The following PSMA8 variants were observed in gnomAD, a reference collection of about 807,000 sequenced individuals.
The protein encoded by PSMA8 is proteasome 20S subunit alpha 8, also known as proteasome subunit alpha-type 8.
A neutral mutation model predicts 32.4 loss-of-function variants in PSMA8; 18 were observed. The ratio of observed to expected loss-of-function variants is 0.56; its 90% CI spans 0.38 to 0.82. The LOEUF is 0.82. Ranked by LOEUF, PSMA8 falls within the 40% of genes least tolerant of loss-of-function variation. PSMA8 has a pLI of 0.00. For synonymous variants in PSMA8, 104 were observed against 98.1 expected (o/e 1.06, Z -0.36); for missense variants, 298 against 300.7 (o/e 0.99, Z 0.07).
At position 26,134,037 on chromosome 18, in the gene PSMA8, C is replaced by T. The variant is rs1169737907; in HGVS notation, c.72C>T (p.Ala24=). Residue 24 remains alanine, a synonymous_variant, in exon 1 of 7, where the codon GCC becomes GCT. Transcript: ENST00000415576. ...GACACCTTTTTCAAGTTGAATATGC[C>T]CAGGAAGCGGTGAAGAAAGGATCCA... is the stretch of plus-strand genomic sequence containing the variant. ...PDGHLFQVEY[A]QEAVKKGSTA... is the part of the protein sequence containing the mutation. 5.0e-6 allele frequency: 8 copies of T among 1,613,756 alleles called. No homozygotes were observed. Among genetic ancestry groups the T allele is most frequent in the Non-Finnish European group, 6.8e-6 (8 of 1,179,860 alleles).
chr18:26,142,678 C>A (rs1321538020), intron 1 of PSMA8, among the ~76,000 whole-genome samples: 4 of 152,186 alleles, frequency 2.6e-5, no homozygotes, highest in Non-Finnish European at 5.9e-5. Flanking sequence ...ATTCTAAAGA[C>A]TGGGAAATCC....
intron 1 of PSMA8, among the ~76,000 whole-genome samples, chr18:26,140,322 G>A (rs973383440): frequency 6.6e-6 from 1 of 152,206 alleles, no homozygotes; most frequent in African/African-American, 2.4e-5. Flanking sequence ...CAGACCTGGA[G>A]CTTGGATCCA....
chr18:26,161,567 T>C (rs998234015), intron 4 of PSMA8, among the ~76,000 whole-genome samples: 2 of 152,198 alleles, frequency 1.3e-5, no homozygotes, highest in African/African-American at 4.8e-5. Flanking sequence ...TCTAGAATAC[T>C]ATGATGGTGA....
intron 4 of PSMA8, among the ~76,000 whole-genome samples, chr18:26,174,736 C>T (rs2055250958): frequency 6.6e-6 from 1 of 152,142 alleles, no homozygotes; most frequent in Non-Finnish European, 1.5e-5. Flanking sequence ...TCTCAAAATG[C>T]ATTTCTTTTC....
chr18:26,147,029 C>T (rs2055008960), intron 2 of PSMA8, among the ~76,000 whole-genome samples: 1 of 151,798 alleles, frequency 6.6e-6, no homozygotes, highest in Non-Finnish European at 1.5e-5. Flanking sequence ...TACACTTAAA[C>T]AATCAGATCT....
chr18:26,135,476 A>G (rs191047230), intron 1 of PSMA8, among the ~76,000 whole-genome samples: 47 of 152,190 alleles, frequency 3.1e-4, no homozygotes, highest in African/African-American at 1.1e-3. Context: ...ACACTAGAAG[A>G]AGAATCGTTT....
intron 4 of PSMA8, among the ~76,000 whole-genome samples, chr18:26,163,198 T>G (rs2055148863): frequency 7.4e-6 from 1 of 135,354 alleles, no homozygotes; most frequent in African/African-American, 2.8e-5. Flanking sequence ...AGGTGGTGTG[T>G]GTTTATGTGT....
intron 6 of PSMA8, among the ~76,000 whole-genome samples, chr18:26,189,206 T>A (rs886176233): frequency 2.6e-5 from 4 of 152,092 alleles, no homozygotes; most frequent in East Asian, 1.9e-4. Flanking sequence ...TCTTCTTTTC[T>A]CAAAAGAAGA....
At chr18:26,165,431 C>T (rs1049762818) in intron 4 of PSMA8, among the ~76,000 whole-genome samples, 4 of 151,922 alleles carry the variant, frequency 2.6e-5, no homozygotes, top group Admixed American at 2.0e-4. Flanking sequence ...TTACACTTTT[C>T]GTAAGTTTAA....
intron 4 of PSMA8, among the ~76,000 whole-genome samples, chr18:26,158,945 C>T (rs527566014): frequency 3.9e-5 from 6 of 152,162 alleles, no homozygotes; most frequent in African/African-American, 9.6e-5. Flanking sequence ...TGCACTCCAG[C>T]CCAGGTGACA....
chr18:26,163,835 G>C (rs1198097117), intron 4 of PSMA8, among the ~76,000 whole-genome samples: 1 of 152,206 alleles, frequency 6.6e-6, no homozygotes, highest in Non-Finnish European at 1.5e-5. Context: ...ATAGATGGTA[G>C]AGAACTTAGG....
intron 1 of PSMA8, among the ~76,000 whole-genome samples, chr18:26,143,642 C>A (rs772612666): frequency 6.6e-6 from 1 of 152,028 alleles, no homozygotes; most frequent in Non-Finnish European, 1.5e-5. Context: ...GCTTTGCAAA[C>A]GTTTATTCTT....
In PSMA8 at chr18:26,151,921, T is replaced by A; in HGVS notation, c.293T>A (p.Leu98His). 6.2e-7 allele frequency: 1 copy of A among 1,612,658 alleles called. No individual in the cohort carries two copies. Among genetic ancestry groups the A allele is most frequent in the South Asian group, 1.1e-5 (1 of 90,866 alleles). The change falls in exon 3 of 7, where the codon CTT becomes CAT. Residue 98 changes from leucine (L) to histidine (H), a missense_variant. Leu to His is a moderately conservative substitution (Grantham distance 99). Transcript: ENST00000415576. ...CGTGTGGAGTGCCAGAGCCATAAGCTTACGGTTGAGGACCCAGTCACTGTA... is the reference window on the plus strand; with the variant it reads ...CGTGTGGAGTGCCAGAGCCATAAGCATACGGTTGAGGACCCAGTCACTGTA... ...RARVECQSHK[L>H]TVEDPVTVEY... is the part of the protein sequence containing the mutation.
chr18:26,178,717 G>A, intron 4 of PSMA8, 113 bp from the exon 5 acceptor site: 1 of 883,740 alleles, frequency 1.1e-6, no homozygotes. Context: ...ATTTTCATTT[G>A]GTAATTTTAT....
In PSMA8 at chr18:26,192,567, C is replaced by A; in HGVS notation, c.*156C>A. On this transcript the variant is annotated 3_prime_UTR_variant, in exon 7 of 7. Coordinates refer to ENST00000415576, the MANE Select transcript of PSMA8 (RefSeq NM_001025096.2). The stretch of plus-strand genomic sequence containing the variant: ...TGCCAGATCTGTGGCTGTCTTCATT[C>A]TATTACATAGTCAAACATAGGTTTA... The A allele has an allele frequency of 1.2e-6, 1 of 810,250 alleles. No homozygotes were observed. Among genetic ancestry groups the A allele is most frequent in the Non-Finnish European group, 1.7e-6 (1 of 583,946 alleles). 50.2% of individuals were successfully genotyped at this position (810,250 alleles called of 1,614,324 possible).
At chr18:26,153,073 C>A (rs1180978374) in intron 3 of PSMA8, among the ~76,000 whole-genome samples, 1 of 152,132 alleles carries the variant, frequency 6.6e-6, no homozygotes, top group Non-Finnish European at 1.5e-5. Flanking sequence ...TCAATCCATG[C>A]AGAAATACAT....
chr18:26,191,916 G>A (rs899240392), intron 6 of PSMA8, among the ~76,000 whole-genome samples: 4 of 152,016 alleles, frequency 2.6e-5, no homozygotes, highest in Non-Finnish European at 4.4e-5. Flanking sequence ...ATTTCATTTC[G>A]CTATTCTATA....
chr18:26,158,834 A>G (rs1423513086), intron 4 of PSMA8, among the ~76,000 whole-genome samples: 5 of 152,182 alleles, frequency 3.3e-5, no homozygotes, highest in African/African-American at 7.2e-5. Flanking sequence ...TCAGCCAGGC[A>G]CGGTAGTACA....
At chr18:26,142,352 G>C (rs1231905608) in intron 1 of PSMA8, among the ~76,000 whole-genome samples, 3 of 151,992 alleles carry the variant, frequency 2.0e-5, no homozygotes, top group Non-Finnish European at 1.5e-5. Flanking sequence ...GTATAAATCA[G>C]TATTAATATC....
Sources: gnomAD v4.1 joint callset for allele counts (sites outside exome capture counted in the v4.1 genomes callset) on GRCh38, gnomAD v4.1.1 for gene constraint, MANE v1.5 for transcripts, NCBI Gene and HGNC (gene_info 2026-07-23, HGNC 2026-07-21) for gene names.